The following CACNA2D1 variants were observed in gnomAD, a reference collection of about 807,000 sequenced individuals.
CACNA2D1 encodes the protein voltage-dependent calcium channel subunit alpha-2/delta-1.
CACNA2D1 carries 53 observed loss-of-function variants against 171.5 expected under a neutral mutation model. That is an observed-to-expected ratio of 0.31 (90% CI 0.25 to 0.39). The LOEUF (loss-of-function observed/expected upper bound fraction) is 0.39, where lower values mean the gene tolerates loss of function less well. Ranked by LOEUF, CACNA2D1 falls within the 10% of genes least tolerant of loss-of-function variation. The pLI is 1.00. For synonymous variants in CACNA2D1, 442 were observed against 443.1 expected (o/e 1.00, Z 0.03); for missense variants, 903 against 1,299.8 (o/e 0.69, Z 4.69).
rs186387842 is a variant in CACNA2D1, at chr7:82,400,311, A to G, written c.95+43054T>C. On this transcript the variant is annotated intron_variant, in intron 1 of 38. Transcript: ENST00000356860. Reference sequence around the variant, plus strand: ...CTTGGGCAGTATGGCCATTTTCACGATATTGATTCTTCCTACCCATGAGCA... The same window carrying G: ...CTTGGGCAGTATGGCCATTTTCACGGTATTGATTCTTCCTACCCATGAGCA... Among the ~76,000 whole-genome samples the G allele has an allele frequency of 6.5e-4, 99 of 151,590 alleles. 1 individual carries two copies. Among genetic ancestry groups the G allele is most frequent in the Non-Finnish European group, 3.4e-4 (23 of 67,904 alleles).
chr7:82,196,588 G>A (rs916259182), intron 3 of CACNA2D1, among the ~76,000 whole-genome samples: 1 of 152,040 alleles, frequency 6.6e-6, no homozygotes, highest in Non-Finnish European at 1.5e-5. Flanking sequence ...TGGTCTGTTT[G>A]TAGATTTGTT....
intron 12 of CACNA2D1, among the ~76,000 whole-genome samples, chr7:82,018,613 A>T (rs1317638611): frequency 6.6e-6 from 1 of 152,174 alleles, no homozygotes; most frequent in East Asian, 1.9e-4. Flanking sequence ...AAATAAAAAA[A>T]ATTCTTATAA....
intron 3 of CACNA2D1, among the ~76,000 whole-genome samples, chr7:82,232,661 G>C (rs1027353650): frequency 3.3e-5 from 5 of 151,602 alleles, no homozygotes; most frequent in South Asian, 2.1e-4. Flanking sequence ...GTCAGGAGAT[G>C]GAGACCATCC....
At chr7:82,086,700 T>A (rs1219837933) in intron 6 of CACNA2D1, among the ~76,000 whole-genome samples, 1 of 152,192 alleles carries the variant, frequency 6.6e-6, no homozygotes, top group Non-Finnish European at 1.5e-5. Context: ...ATAGACTTCA[T>A]TAATCCCCAA....
chr7:82,298,933 G>A (rs1812634697), intron 3 of CACNA2D1, among the ~76,000 whole-genome samples: 1 of 151,728 alleles, frequency 6.6e-6, no homozygotes, highest in African/African-American at 2.4e-5. Context: ...CGTGGTGGCG[G>A]GTGCATGTAA....
chr7:82,403,330 T>A (rs1826649302), intron 1 of CACNA2D1, among the ~76,000 whole-genome samples: 1 of 152,212 alleles, frequency 6.6e-6, no homozygotes, highest in Non-Finnish European at 1.5e-5. Flanking sequence ...TAGTTAGAAT[T>A]TTTTTGGTAG....
intron 1 of CACNA2D1, among the ~76,000 whole-genome samples, chr7:82,364,318 A>G (rs1019597850): frequency 2.0e-5 from 3 of 152,232 alleles, no homozygotes; most frequent in Non-Finnish European, 4.4e-5. Flanking sequence ...GAGCAAATCA[A>G]TTGAGAACTA....
intron 1 of CACNA2D1, among the ~76,000 whole-genome samples, chr7:82,371,271 G>A (rs187075931): frequency 3.3e-5 from 5 of 152,320 alleles, no homozygotes; most frequent in Admixed American, 1.3e-4. Flanking sequence ...TTATAGCAAA[G>A]TGATGGGTAA....
chr7:82,385,051 T>C (rs1193070269), intron 1 of CACNA2D1, among the ~76,000 whole-genome samples: 1 of 152,210 alleles, frequency 6.6e-6, no homozygotes, highest in Non-Finnish European at 1.5e-5. Flanking sequence ...TCCCTCCCCT[T>C]CCTTGTCCCA....
intron 7 of CACNA2D1, among the ~76,000 whole-genome samples, chr7:82,081,427 G>C (rs968099901): frequency 1.3e-5 from 2 of 152,042 alleles, no homozygotes; most frequent in African/African-American, 4.8e-5. Flanking sequence ...TAAATACTTG[G>C]TTATATTATA....
Position 82,443,538 on chromosome 7 carries a change from A to T in CACNA2D1, c.-79T>A. Reference sequence around the variant, plus strand: ...CGCTGGAAACCGCGGGCGGAGGAAGAGCAGCACACGCCGCCGGGACCGCGG... The same window carrying T: ...CGCTGGAAACCGCGGGCGGAGGAAGTGCAGCACACGCCGCCGGGACCGCGG... On this transcript the variant is annotated 5_prime_UTR_variant, in exon 1 of 39. Coordinates refer to ENST00000356860, the MANE Select transcript of CACNA2D1 (RefSeq NM_000722.4). 1 of 1,555,596 alleles carries T rather than the reference A, an allele frequency of 6.4e-7. No individual in the cohort carries two copies. The highest frequency in any genetic ancestry group is 8.7e-7 in the Non-Finnish European group (1 of 1,151,532).
chr7:82,362,755 T>C lies in CACNA2D1; in HGVS notation c.96-13106A>G, dbSNP rs191459053. On this transcript the variant is annotated intron_variant, in intron 1 of 38. Coordinates refer to ENST00000356860, the MANE Select transcript of CACNA2D1 (RefSeq NM_000722.4). ...CCTTGAACTGAGATTATTTCTCCAATTACTGCAAGTAATAAATAATATTTT... is the reference window on the plus strand; with the variant it reads ...CCTTGAACTGAGATTATTTCTCCAACTACTGCAAGTAATAAATAATATTTT... 1.7e-3 allele frequency among the ~76,000 whole-genome samples: 265 copies of C among 152,310 alleles called. 4 individuals are homozygous for C. The highest frequency in any genetic ancestry group is 1.6e-3 in the Non-Finnish European group (106 of 68,028).
chr7:82,285,781 G>C (rs1336731586), intron 3 of CACNA2D1, among the ~76,000 whole-genome samples: 1 of 152,084 alleles, frequency 6.6e-6, no homozygotes, highest in Admixed American at 6.6e-5. Context: ...GGAGGCCATG[G>C]GACCCTCTAT....
In CACNA2D1 at chr7:82,258,817, C is replaced by CTTTTTTTTTTTTTTTTTTTTTTTTTTTT. The variant is rs201927487; in HGVS notation, c.294+76317_294+76318insAAAAAAAAAAAAAAAAAAAAAAAAAAAA. Among the ~76,000 whole-genome samples the CTTTTTTTTTTTTTTTTTTTTTTTTTTTT allele has an allele frequency of 3.2e-4, 23 of 72,626 alleles. 3 individuals are homozygous for CTTTTTTTTTTTTTTTTTTTTTTTTTTTT. The highest frequency in any genetic ancestry group is 5.1e-4 in the Admixed American group (3 of 5,868). The allele number at this position is 72,626 out of a possible 152,430, so 47.6% of individuals were successfully genotyped here. A position where few individuals can be genotyped will look rare whatever the true frequency, so the allele number is the denominator to read the frequency against. On this transcript the variant is annotated intron_variant, in intron 3 of 38. Transcript: ENST00000356860. ...ATTTCTTTCTTTCTTTCTTACTTTT[C>CTTTTTTTTTTTTTTTTTTTTTTTTTTTT]TTTTTTTTTTTTTTTTTTTTTTGAG...
chr7:82,179,685 T>G (rs1031214661), intron 3 of CACNA2D1, among the ~76,000 whole-genome samples: 3 of 152,162 alleles, frequency 2.0e-5, no homozygotes, highest in Admixed American at 6.6e-5. Context: ...AAAACAGCTC[T>G]GCCACTTATG....
chr7:81,979,823 AT>A (rs907381099), intron 24 of CACNA2D1, among the ~76,000 whole-genome samples: 4 of 152,090 alleles, frequency 2.6e-5, no homozygotes, highest in African/African-American at 9.7e-5. Flanking sequence ...TTTTAAGAAT[AT>A]TCTTTATATA....
intron 5 of CACNA2D1, among the ~76,000 whole-genome samples, chr7:82,128,052 T>C (rs563314283): frequency 3.2e-4 from 48 of 151,896 alleles, no homozygotes; most frequent in African/African-American, 1.2e-3. Context: ...GCCTCCCAAG[T>C]AGCTGGGACT....
intron 9 of CACNA2D1, among the ~76,000 whole-genome samples, chr7:82,060,998 C>T (rs1370762285): frequency 1.3e-5 from 2 of 152,016 alleles, no homozygotes; most frequent in Admixed American, 6.6e-5. Flanking sequence ...AGTAAATATC[C>T]TCTAGAATTT....
chr7:82,016,602 A>G (rs1800486750), intron 12 of CACNA2D1, among the ~76,000 whole-genome samples: 5 of 19,730 alleles, frequency 2.5e-4, no homozygotes, highest in South Asian at 2.3e-3. Context: ...AATAAACACT[A>G]GCCGCCCGCC....
Sources: allele counts gnomAD v4.1 joint callset (sites outside exome capture counted in the v4.1 genomes callset), GRCh38; gene constraint gnomAD v4.1.1; transcripts MANE v1.5; gene names NCBI Gene and HGNC (gene_info 2026-07-23, HGNC 2026-07-21).